COL5A1: variants seen among roughly 807,000 people sequenced by gnomAD.
COL5A1 encodes collagen alpha-1(V) chain.
Under a neutral mutation model 263.7 loss-of-function variants are expected in COL5A1, and 16 were observed. The observed-to-expected ratio is 0.06, with a 90% confidence interval of 0.04 to 0.09. The LOEUF (loss-of-function observed/expected upper bound fraction) is 0.09, where lower values mean the gene tolerates loss of function less well. Ranked by LOEUF, COL5A1 falls within the 10% of genes least tolerant of loss-of-function variation. COL5A1 has a pLI of 1.00. For missense variants in COL5A1, 2,036 were observed against 2,540.5 expected (o/e 0.80, Z 4.27); for synonymous variants, 1,012 against 1,004.5 (o/e 1.01, Z -0.14).
At chr9:134,781,205 C>T (rs1445903065) in intron 28 of COL5A1, among the ~76,000 whole-genome samples, 7 of 152,260 alleles carry the variant, frequency 4.6e-5, no homozygotes, top group African/African-American at 7.2e-5. Context: ...TCTTGTTCCA[C>T]GGAGTTTGTT....
At chr9:134,693,736 G>A (rs942559125) in intron 2 of COL5A1, among the ~76,000 whole-genome samples, 2 of 152,168 alleles carry the variant, frequency 1.3e-5, no homozygotes, top group Non-Finnish European at 1.5e-5. Flanking sequence ...TCTGTTGCTC[G>A]GACTCTGTCC....
intron 1 of COL5A1, among the ~76,000 whole-genome samples, chr9:134,673,290 C>G (rs1832593621): frequency 6.6e-6 from 1 of 152,126 alleles, no homozygotes; most frequent in Non-Finnish European, 1.5e-5. Context: ...GTGATGAAGA[C>G]AGTGTAGTGT....
intron 1 of COL5A1, among the ~76,000 whole-genome samples, chr9:134,643,803 T>G (rs568454648): frequency 6.6e-6 from 1 of 152,196 alleles, no homozygotes; most frequent in South Asian, 2.1e-4. Context: ...CTCTGGGGAC[T>G]TTTCCCCAGA....
At chr9:134,761,378 C>T (rs184532580) in intron 18 of COL5A1, among the ~76,000 whole-genome samples, 1 of 152,346 alleles carries the variant, frequency 6.6e-6, no homozygotes, top group Admixed American at 6.5e-5. Flanking sequence ...CTCCATGATG[C>T]CTTGAGAAGG....
At position 134,824,695 on chromosome 9, in the gene COL5A1, C is replaced by T. The variant is rs863223481; in HGVS notation, c.4794C>T (p.Gly1598=). ...GCCAGCTGCTGGACGACGGGAATGG[C>T]GAGAACTACGTGGACTACGCGGACG... ...DASQLLDDGN[G]ENYVDYADGM... is the part of the protein sequence containing the mutation. Residue 1598 remains glycine (G), a synonymous_variant, in exon 62 of 66, where the codon GGC becomes GGT. Transcript: ENST00000371817. 10 of 1,614,094 alleles carry T rather than the reference C, an allele frequency of 6.2e-6. No individual in the cohort carries two copies. Among genetic ancestry groups the T allele is most frequent in the African/African-American group, 5.3e-5 (4 of 74,932 alleles).
rs960839294 is a variant in COL5A1 at position 134,652,222 on chromosome 9, C to A, written c.109+9926C>A. Among the ~76,000 whole-genome samples the A allele has an allele frequency of 2.6e-5, 4 of 152,270 alleles. No homozygotes were observed. The highest frequency in any genetic ancestry group is 4.1e-4 in the South Asian group (2 of 4,828). On this transcript the variant is annotated intron_variant, in intron 1 of 65. Transcript: ENST00000371817. This position sits in a 1 kb window ranked among gnomAD's most constrained non-coding sequence, Gnocchi z 4.4. ...AGGTCTCAGTAATGGTCGACTAGGT[C>A]AAAAAGTACTGCTTGAGCAGTGGAG...
intron 26 of COL5A1, 30 bp from the exon 27 acceptor site, chr9:134,774,829 G>A (rs777252985): frequency 6.2e-7 from 1 of 1,611,058 alleles, no homozygotes. Flanking sequence ...ACTGGCATGG[G>A]GCTAACGGTC....
chr9:134,759,869 C>A (rs1242985797), intron 18 of COL5A1, among the ~76,000 whole-genome samples: 2 of 101,004 alleles, frequency 2.0e-5, no homozygotes, highest in Admixed American at 1.1e-4. Flanking sequence ...CACACTCACA[C>A]ATGCACACAC....
At chr9:134,745,807 C>T (rs1194848044) in intron 11 of COL5A1, among the ~76,000 whole-genome samples, 1 of 152,136 alleles carries the variant, frequency 6.6e-6, no homozygotes, top group African/African-American at 2.4e-5. Context: ...AAGGTGTAGG[C>T]AGGGCCGCAC....
intron 9 of COL5A1, 137 bp downstream of exon 9, chr9:134,732,264 T>G: frequency 2.4e-6 from 2 of 843,876 alleles, no homozygotes; most frequent in African/African-American, 3.3e-5. Context: ...CCACCTGGTC[T>G]CGTGGAGTCC....
At chr9:134,651,019 C>T (rs1339928218) in intron 1 of COL5A1, among the ~76,000 whole-genome samples, 1 of 152,222 alleles carries the variant, frequency 6.6e-6, no homozygotes, top group African/African-American at 2.4e-5. Context: ...TGTCCATTCT[C>T]AAGGCCAGGT....
At chr9:134,806,109 T>C (rs2132830099) in intron 41 of COL5A1, 80 bp from the exon 42 acceptor site, 2 of 1,030,674 alleles carry the variant, frequency 1.9e-6, no homozygotes, top group Non-Finnish European at 1.5e-6. Context: ...GTAAGTGGAG[T>C]GATCAGCTGG....
At chr9:134,834,862 T>TCC in intron 64 of COL5A1, 109 bp from the exon 65 acceptor site, 1 of 801,648 alleles carries the variant, frequency 1.2e-6, no homozygotes, top group South Asian at 1.5e-5. Context: ...TCCAGGTAGT[T>TCC]CCCCCGAGAA....
In COL5A1 at chr9:134,841,011, C is replaced by T. The variant is rs1156828188; in HGVS notation, c.5371-1146C>T. On this transcript the variant is annotated intron_variant, in intron 65 of 65. Coordinates refer to ENST00000371817, the MANE Select transcript of COL5A1 (RefSeq NM_000093.5). The surrounding 1 kb of genome is among the most constrained non-coding windows in gnomAD (Gnocchi z 4.8). Reference sequence around the variant, plus strand: ...AGAGCTGGAGCTGCTGTCTGCTATCCGAATCTCCGGCCTGGGAGTCTGCGC... The same window carrying T: ...AGAGCTGGAGCTGCTGTCTGCTATCTGAATCTCCGGCCTGGGAGTCTGCGC... 6.6e-6 allele frequency among the ~76,000 whole-genome samples: 1 copy of T among 152,220 alleles called. No individual in the cohort carries two copies. Among genetic ancestry groups the T allele is most frequent in the Admixed American group, 6.5e-5 (1 of 15,280 alleles).
intron 26 of COL5A1, among the ~76,000 whole-genome samples, chr9:134,773,128 C>G (rs1337543795): frequency 7.1e-6 from 1 of 141,462 alleles, no homozygotes; most frequent in Admixed American, 7.1e-5. Context: ...AGGGCAGTGT[C>G]TCCGTGTTCA....
Position 134,829,824 on chromosome 9 carries a change from C to G in COL5A1, c.5068-152C>G, listed in dbSNP as rs531335016. On this transcript the variant is annotated intron_variant, in intron 63 of 65. Transcript: ENST00000371817. ...CAAGGGCCGGGGCCCTCAGGCTGCA[C>G]TGAAGGCGCTCGGTGGGTCCTCCCT... 9.4e-4 allele frequency: 770 copies of G among 820,502 alleles called. 1 individual carries two copies. In the Middle Eastern group the frequency reaches 0.012, roughly 12 times the overall value. 50.8% of individuals were successfully genotyped at this position (820,502 alleles called of 1,614,324 possible).
chr9:134,828,377 G>A (rs1175916586), intron 63 of COL5A1, among the ~76,000 whole-genome samples: 1 of 152,050 alleles, frequency 6.6e-6, no homozygotes, highest in Non-Finnish European at 1.5e-5. Flanking sequence ...ACATGATCCA[G>A]GCAGGCAGCC....
At chr9:134,667,861 G>A (rs2132507794) in intron 1 of COL5A1, among the ~76,000 whole-genome samples, 1 of 152,314 alleles carries the variant, frequency 6.6e-6, no homozygotes, top group African/African-American at 2.4e-5. Flanking sequence ...TTCCTAGGGC[G>A]TTTTGTGTCT....
Position 134,759,226 on chromosome 9 carries a change from ACACATACAC to A in COL5A1, c.1935+944_1935+952del, listed in dbSNP as rs201175558. 0.01 allele frequency among the ~76,000 whole-genome samples: 1,433 copies of A among 142,060 alleles called. 37 individuals carry two copies. The East Asian group carries it at 0.13, about 12-fold the overall frequency. The allele number at this position is 142,060 out of a possible 152,430, so 93.2% of individuals were successfully genotyped here. The stretch of plus-strand genomic sequence containing the variant: ...ACACCCCCCATGCACACACACACCC[ACACATACAC>A]CACATACACCACACATGTGTGCGCG... On this transcript the variant is annotated intron_variant, in intron 18 of 65. Coordinates refer to ENST00000371817, the MANE Select transcript of COL5A1 (RefSeq NM_000093.5).
Sources: allele counts gnomAD v4.1 joint callset (sites outside exome capture counted in the v4.1 genomes callset), GRCh38; gene constraint gnomAD v4.1.1; non-coding constraint Gnocchi (gnomAD v3.1); transcripts MANE v1.5; gene names NCBI Gene and HGNC (gene_info 2026-07-23, HGNC 2026-07-21).